ZDBF2: variants seen among roughly 807,000 people sequenced by gnomAD.
ZDBF2 encodes the protein zinc finger DBF-type containing 2, also known as DBF4-type zinc finger-containing protein 2.
Under a neutral mutation model 9.4 loss-of-function variants are expected in ZDBF2, and 6 were observed. The ratio of observed to expected loss-of-function variants is 0.64; its 90% CI spans 0.35 to 1.27. The LOEUF (loss-of-function observed/expected upper bound fraction) is 1.27, where lower values mean the gene tolerates loss of function less well. ZDBF2 is among the 50% of genes most tolerant of loss of function. The pLI is 0.03. For missense variants in ZDBF2, 2,697 were observed against 2,766.8 expected, an observed-to-expected ratio of 0.97 and a Z score of 0.57; for synonymous variants, 905 against 946.3, an observed-to-expected ratio of 0.96 and a Z score of 0.80.
intron 4 of ZDBF2, among the ~76,000 whole-genome samples, chr2:206,300,607 A>G (rs1028418009): frequency 5.9e-5 from 9 of 152,200 alleles, no homozygotes; most frequent in Middle Eastern, 3.2e-3. Flanking sequence ...TTAAGGTACT[A>G]CTGTCTGCCA....
intron 3 of ZDBF2, among the ~76,000 whole-genome samples, chr2:206,295,688 T>G (rs1333141014): frequency 6.6e-6 from 1 of 152,060 alleles, no homozygotes; most frequent in Non-Finnish European, 1.5e-5. Context: ...TTACTCTAAT[T>G]TTTTGTGCCT....
At chr2:206,304,029 C>T (rs1233701806) in intron 4 of ZDBF2, among the ~76,000 whole-genome samples, 4 of 152,118 alleles carry the variant, frequency 2.6e-5, no homozygotes, top group East Asian at 3.8e-4. Context: ...TATTCTTGTA[C>T]GTGTTCATTA....
intron 3 of ZDBF2, among the ~76,000 whole-genome samples, chr2:206,287,272 TG>T (rs1691651628): frequency 6.6e-6 from 1 of 152,358 alleles, no homozygotes; most frequent in East Asian, 1.9e-4. Flanking sequence ...CTAGCGGTGA[TG>T]AATTCCTTCA....
At chr2:206,278,759 C>T (rs1351158253) in intron 1 of ZDBF2, among the ~76,000 whole-genome samples, 1 of 152,208 alleles carries the variant, frequency 6.6e-6, no homozygotes, top group Non-Finnish European at 1.5e-5. Flanking sequence ...CAGTGGCATC[C>T]CTCGCCGCTC....
At chr2:206,281,743 A>G (rs945995591) in intron 2 of ZDBF2, 58 bp from the exon 3 acceptor site, 9 of 1,037,754 alleles carry the variant, frequency 8.7e-6, no homozygotes, top group Non-Finnish European at 1.1e-5. Context: ...TATCATAGCC[A>G]TTTTCCTCAT....
chr2:206,307,416 C>G lies in ZDBF2; in HGVS notation c.2888C>G (p.Pro963Arg), dbSNP rs1379072234. ...GAAACAAGTTTGGATTCTGATGTCC[C>G]TCTTCAGGCAGCGACTCACAAACCT... ...VFETSLDSDV[P>R]LQAATHKPEV... The change falls in exon 5 of 5, where the codon CCT becomes CGT. Residue 963 changes from proline to arginine, a missense_variant. Physicochemically the swap from Pro to Arg is moderately radical, Grantham distance 103 (BLOSUM62 -2). Coordinates refer to ENST00000374423, the MANE Select transcript of ZDBF2 (RefSeq NM_020923.3). 2 of 1,612,626 alleles carry G rather than the reference C, an allele frequency of 1.2e-6. No homozygotes were observed. Among genetic ancestry groups the G allele is most frequent in the East Asian group, 2.2e-5 (1 of 44,856 alleles).
intron 4 of ZDBF2, among the ~76,000 whole-genome samples, chr2:206,301,681 C>T (rs1036933451): frequency 6.6e-6 from 1 of 151,928 alleles, no homozygotes; most frequent in Non-Finnish European, 1.5e-5. Flanking sequence ...TAAAACATTT[C>T]CTTTCTGTTT....
intron 3 of ZDBF2, among the ~76,000 whole-genome samples, chr2:206,293,700 A>G (rs1466267862): frequency 6.6e-6 from 1 of 152,228 alleles, no homozygotes; most frequent in Non-Finnish European, 1.5e-5. Flanking sequence ...GATTAAGGCC[A>G]CAGTGATATA....
chr2:206,279,012 C>T (rs1559129974), intron 1 of ZDBF2, among the ~76,000 whole-genome samples: 1 of 151,992 alleles, frequency 6.6e-6, no homozygotes, highest in Non-Finnish European at 1.5e-5. Context: ...TCTCTTGAGC[C>T]TATGTGTTGG....
rs185576102 is a variant in ZDBF2, at chr2:206,310,393, G to C, written c.5865G>C (p.Val1955=). Residue 1955 remains valine, a synonymous_variant, in exon 5 of 5, where the codon GTG becomes GTC. Transcript: ENST00000374423. ...AGACCAGTTGTAAGAATTACCCAGT[G>C]ATGAAAAGAAAAATAATTAGACAAG... ...STQTSCKNYP[V]MKRKIIRQEE... is the part of the protein sequence containing the mutation. The C allele has an allele frequency of 1.9e-6, 3 of 1,613,894 alleles. No individual in the cohort carries two copies. The Admixed American group carries it at 5.0e-5, about 27-fold the overall frequency.
Position 206,310,693 on chromosome 2 carries a change from C to T in ZDBF2, c.6165C>T (p.Pro2055=). The part of the protein sequence containing the change: ...YKRNIFDYYE[P]LIKQIVISPP... ...GGAATATCTTTGATTATTATGAGCC[C>T]TTGATTAAGCAAATTGTAATTAGTC... is the stretch of plus-strand genomic sequence containing the variant. The change falls in exon 5 of 5, where the codon CCC becomes CCT. Residue 2055 remains proline, a synonymous_variant. Transcript: ENST00000374423. The T allele has an allele frequency of 6.2e-7, 1 of 1,613,124 alleles. No individual in the cohort carries two copies. Among genetic ancestry groups the T allele is most frequent in the South Asian group, 1.1e-5 (1 of 90,980 alleles).
In ZDBF2 at chr2:206,310,541, C is replaced by T. The variant is rs1397742581; in HGVS notation, c.6013C>T (p.Pro2005Ser). Residue 2005 changes from proline to serine, a missense_variant, in exon 5 of 5, where the codon CCC becomes TCC. This residue lies in a region of ZDBF2 where 1,783 missense variants were observed against 1,776.5 expected (regional missense o/e 1.00). Coordinates refer to ENST00000374423, the MANE Select transcript of ZDBF2 (RefSeq NM_020923.3). ...TACTAAAGTTTTGAAGCCTATGCAA[C>T]CCAAAGCCTTAGTCTGTGTTCTTTC... is the stretch of plus-strand genomic sequence containing the variant. ...SCTKVLKPMQPKALVCVLSSL... is the reference protein window; with the variant it reads ...SCTKVLKPMQSKALVCVLSSL... 6.2e-7 allele frequency: 1 copy of T among 1,613,684 alleles called. No individual in the cohort carries two copies. The highest frequency in any genetic ancestry group is 8.5e-7 in the Non-Finnish European group (1 of 1,179,796).
chr2:206,304,762 AGTGGT>A lies in ZDBF2; in HGVS notation c.236_240del (p.Val79AlafsTer4). The A allele has an allele frequency of 6.2e-7, 1 of 1,613,496 alleles. No homozygotes were observed. ...ATGTGAATACTGGGTCATCGTCTGA[AGTGGT>A]GCATTTGGATGATGCTTTTTCTGAA... On this transcript the variant is annotated frameshift_variant, in exon 5 of 5. Coordinates refer to ENST00000374423, the MANE Select transcript of ZDBF2 (RefSeq NM_020923.3). LOFTEE classifies it low-confidence loss of function (END_TRUNC).
intron 4 of ZDBF2, among the ~76,000 whole-genome samples, chr2:206,304,370 CT>C (rs1299368608): frequency 1.3e-5 from 2 of 152,106 alleles, no homozygotes; most frequent in Non-Finnish European, 2.9e-5. Context: ...GTAAGATTCC[CT>C]TTTTTTGGAG....
rs1478154991 is a variant in ZDBF2 at position 206,306,032 on chromosome 2, C to T, written c.1504C>T (p.Pro502Ser). Residue 502 changes from proline (P) to serine (S), a missense_variant, in exon 5 of 5, where the codon CCT becomes TCT. Around this residue, in one of 3 missense-constraint regions of ZDBF2, gnomAD observed 910 missense variants for 973.6 expected, o/e 0.93. Transcript: ENST00000374423. ...SETNFDCDAS[P>S]QSTSDYPQQS... ...AACGAATTTTGATTGTGATGCTTCA[C>T]CTCAGTCCACTAGTGACTACCCCCA... is the stretch of plus-strand genomic sequence containing the variant. 8 of 1,613,506 alleles carry T rather than the reference C, an allele frequency of 5.0e-6. No homozygotes were observed. The highest frequency in any genetic ancestry group is 6.8e-6 in the Non-Finnish European group (8 of 1,179,754).
At chr2:206,280,047 C>T (rs1475725529) in intron 2 of ZDBF2, among the ~76,000 whole-genome samples, 2 of 152,228 alleles carry the variant, frequency 1.3e-5, no homozygotes, top group Non-Finnish European at 1.5e-5. Context: ...GCAGGCGATC[C>T]ACCTGCCTCG....
intron 1 of ZDBF2, among the ~76,000 whole-genome samples, chr2:206,275,408 C>T (rs1266526297): frequency 6.6e-6 from 1 of 152,162 alleles, no homozygotes; most frequent in Admixed American, 6.5e-5. Flanking sequence ...GGCCCCAGAC[C>T]TAGGCCTTTC....
rs1444141586 is a variant in ZDBF2, at chr2:206,306,463, G to C, written c.1935G>C (p.Lys645Asn). The stretch of plus-strand genomic sequence containing the variant: ...ATGAATCCCAGAGGGCTGTTGAAAA[G>C]ATAAATCTTCTGAAGGAGAAGAATG... Reference protein sequence around the residue: ...VADESQRAVEKINLLKEKNAD... With the variant: ...VADESQRAVENINLLKEKNAD... The change falls in exon 5 of 5, where the codon AAG (lysine) becomes AAC (asparagine). Residue 645 changes from lysine to asparagine, a missense_variant. Lys to Asn is a moderately conservative substitution (Grantham distance 94). This residue lies in a region of ZDBF2 where 910 missense variants were observed against 973.6 expected (regional missense o/e 0.93). Coordinates refer to ENST00000374423, the MANE Select transcript of ZDBF2 (RefSeq NM_020923.3). 6.2e-7 allele frequency: 1 copy of C among 1,613,822 alleles called. No homozygotes were observed.
At chr2:206,275,740 T>G (rs1165618974) in intron 1 of ZDBF2, among the ~76,000 whole-genome samples, 1 of 152,220 alleles carries the variant, frequency 6.6e-6, no homozygotes, top group Non-Finnish European at 1.5e-5. Context: ...AGGCAGCCTG[T>G]AGCGATCTCA....
Sources: allele counts gnomAD v4.1 joint callset (sites outside exome capture counted in the v4.1 genomes callset), GRCh38; gene constraint gnomAD v4.1.1; regional missense constraint gnomAD v4.1.1; transcripts MANE v1.5; gene names NCBI Gene and HGNC (gene_info 2026-07-23, HGNC 2026-07-21).